The following GRM7 variants were observed in gnomAD, a reference collection of about 807,000 sequenced individuals.
GRM7 encodes metabotropic glutamate receptor 7.
A neutral mutation model predicts 84.5 loss-of-function variants in GRM7; 35 were observed. That is an observed-to-expected ratio of 0.41 (90% CI 0.32 to 0.55). GRM7 has a LOEUF of 0.55. GRM7 is among the 20% of genes least tolerant of loss of function. GRM7 has a pLI of 0.19. For missense variants in GRM7, 1,003 were observed against 1,194.6 expected (o/e 0.84, Z 2.36); for synonymous variants, 487 against 455.1 (o/e 1.07, Z -0.89).
chr3:7,327,123 A>C (rs941925613), intron 4 of GRM7, among the ~76,000 whole-genome samples: 1 of 152,222 alleles, frequency 6.6e-6, no homozygotes, highest in Non-Finnish European at 1.5e-5. Context: ...GTATTTGCCC[A>C]GTATCTCTGG....
chr3:7,162,098 C>T (rs577963803), intron 2 of GRM7, among the ~76,000 whole-genome samples: 1 of 152,208 alleles, frequency 6.6e-6, no homozygotes, highest in Non-Finnish European at 1.5e-5. Flanking sequence ...GGGTAGGGAT[C>T]GAGAGCCCTA....
chr3:7,479,102 A>G (rs891490883), intron 7 of GRM7, among the ~76,000 whole-genome samples: 17 of 152,078 alleles, frequency 1.1e-4, no homozygotes, highest in Non-Finnish European at 2.4e-4. Flanking sequence ...TCCCCAAAAG[A>G]AGATTCCAAG....
At chr3:7,385,289 ATTTTTTTT>A (rs574917994) in intron 4 of GRM7, among the ~76,000 whole-genome samples, 2 of 67,260 alleles carry the variant, frequency 3.0e-5, no homozygotes, top group Admixed American at 2.5e-4. Context: ...TTCTATATGG[ATTTTTTTT>A]TTTTTTTTTT....
chr3:7,304,001 T>C (rs1457426608), intron 3 of GRM7, among the ~76,000 whole-genome samples: 1 of 151,968 alleles, frequency 6.6e-6, no homozygotes, highest in East Asian at 1.9e-4. Context: ...AATGTTCTCA[T>C]TCTGCCTCTA....
intron 2 of GRM7, among the ~76,000 whole-genome samples, chr3:7,276,440 G>T (rs1019205045): frequency 2.0e-5 from 3 of 151,772 alleles, no homozygotes; most frequent in Admixed American, 6.6e-5. Context: ...ATTGCATGGC[G>T]ATCCTCCCTA....
intron 9 of GRM7, among the ~76,000 whole-genome samples, chr3:7,721,320 G>C (rs879535395): frequency 6.6e-6 from 1 of 152,160 alleles, no homozygotes; most frequent in Admixed American, 6.5e-5. Context: ...GTTGTTTTGG[G>C]TGTTGGATAC....
intron 3 of GRM7, among the ~76,000 whole-genome samples, chr3:7,304,876 A>G (rs970930389): frequency 1.3e-5 from 2 of 151,634 alleles, no homozygotes; most frequent in Non-Finnish European, 2.9e-5. Flanking sequence ...TAATATTTCT[A>G]TTTGGCAATG....
intron 2 of GRM7, among the ~76,000 whole-genome samples, chr3:7,244,473 G>A (rs1419575694): frequency 6.6e-6 from 1 of 152,078 alleles, no homozygotes; most frequent in African/African-American, 2.4e-5. Flanking sequence ...AGACTTCAAA[G>A]TCTCAGCAGA....
At chr3:7,114,906 C>G (rs955038575) in intron 1 of GRM7, among the ~76,000 whole-genome samples, 5 of 152,144 alleles carry the variant, frequency 3.3e-5, no homozygotes, top group African/African-American at 1.2e-4. Context: ...TTTGCCCTCT[C>G]CTGGTGGCAG....
intron 1 of GRM7, among the ~76,000 whole-genome samples, chr3:7,069,658 T>C (rs2124981990): frequency 6.6e-6 from 1 of 152,198 alleles, no homozygotes; most frequent in South Asian, 2.1e-4. Flanking sequence ...CCATACACAG[T>C]AGGCAGGGAA....
At chr3:6,917,004 G>T (rs74894844) in intron 1 of GRM7, among the ~76,000 whole-genome samples, 12,111 of 152,132 alleles carry the variant, frequency 0.08, 539 homozygotes, top group Middle Eastern at 0.11. Flanking sequence ...TTTTTATTGG[G>T]AGGAGGAGGT....
chr3:7,366,374 T>G (rs1339811331), intron 4 of GRM7, among the ~76,000 whole-genome samples: 1 of 151,934 alleles, frequency 6.6e-6, no homozygotes, highest in Non-Finnish European at 1.5e-5. Context: ...ATCGACACTT[T>G]CCAGGTTTTT....
chr3:6,996,227 T>C (rs1327015301), intron 1 of GRM7, among the ~76,000 whole-genome samples: 2 of 152,026 alleles, frequency 1.3e-5, no homozygotes, highest in African/African-American at 4.8e-5. Context: ...TTTTTGTATT[T>C]TAAGTAGAGA....
intron 7 of GRM7, among the ~76,000 whole-genome samples, chr3:7,501,735 C>A (rs1699890085): frequency 6.6e-6 from 1 of 152,140 alleles, no homozygotes; most frequent in South Asian, 2.1e-4. Context: ...GCATATATTT[C>A]ATATTTGAGC....
intron 1 of GRM7, among the ~76,000 whole-genome samples, chr3:6,991,499 C>T (rs966737243): frequency 6.6e-6 from 1 of 151,876 alleles, no homozygotes; most frequent in Non-Finnish European, 1.5e-5. Flanking sequence ...GGAGAGAAGA[C>T]AAAAAATCAC....
chr3:7,109,324 T>C (rs903678136), intron 1 of GRM7, among the ~76,000 whole-genome samples: 1 of 152,170 alleles, frequency 6.6e-6, no homozygotes, highest in African/African-American at 2.4e-5. Context: ...AAGATTAGTC[T>C]TTGTTTTAAT....
intron 4 of GRM7, among the ~76,000 whole-genome samples, chr3:7,414,092 T>G (rs1696057989): frequency 6.6e-6 from 1 of 152,162 alleles, no homozygotes; most frequent in Non-Finnish European, 1.5e-5. Flanking sequence ...TATGAGAAAA[T>G]GTACATAAAA....
At chr3:7,502,819 T>C (rs1699924546) in intron 7 of GRM7, among the ~76,000 whole-genome samples, 1 of 152,192 alleles carries the variant, frequency 6.6e-6, no homozygotes, top group Non-Finnish European at 1.5e-5. Context: ...TAGTTTATGT[T>C]GTTGCTGTTG....
chr3:7,695,011 T>TTGAAG (rs766606304), intron 9 of GRM7, among the ~76,000 whole-genome samples: 6 of 152,210 alleles, frequency 3.9e-5, no homozygotes, highest in Admixed American at 6.5e-5. Flanking sequence ...CAATACGGCA[T>TTGAAG]TGAAGTGATG....
Sources: gnomAD v4.1 joint callset for allele counts (sites outside exome capture counted in the v4.1 genomes callset) on GRCh38, gnomAD v4.1.1 for gene constraint, MANE v1.5 for transcripts, NCBI Gene and HGNC (gene_info 2026-07-23, HGNC 2026-07-21) for gene names.